The following SGCZ variants were observed in gnomAD, a reference collection of about 807,000 sequenced individuals.
The protein encoded by SGCZ is zeta-sarcoglycan.
SGCZ carries 40 observed loss-of-function variants against 41.3 expected under a neutral mutation model. That is an observed-to-expected ratio of 0.97 (90% CI 0.75 to 1.26). The LOEUF (loss-of-function observed/expected upper bound fraction) is 1.26, where lower values mean the gene tolerates loss of function less well. Ranked by LOEUF, SGCZ falls within the 50% of genes most tolerant of loss-of-function variation. The pLI is 0.00. For synonymous variants in SGCZ, 206 were observed against 137.5 expected, an observed-to-expected ratio of 1.50 and a Z score of -3.49; for missense variants, 552 against 369.8, an observed-to-expected ratio of 1.49 and a Z score of -4.04.
At chr8:14,312,965 C>T (rs555221243) in intron 3 of SGCZ, among the ~76,000 whole-genome samples, 28 of 152,254 alleles carry the variant, frequency 1.8e-4, no homozygotes, top group Non-Finnish European at 2.2e-4. Flanking sequence ...AAGAAGACTG[C>T]GGATTCCTTT....
At chr8:15,050,922 C>T (rs1342583161) in intron 1 of SGCZ, among the ~76,000 whole-genome samples, 2 of 152,132 alleles carry the variant, frequency 1.3e-5, no homozygotes, top group Non-Finnish European at 2.9e-5. Flanking sequence ...TTCACCTCCT[C>T]ATTATATGGG....
chr8:14,260,950 G>A lies in SGCZ; in HGVS notation c.337-23271C>T, dbSNP rs552068486. On this transcript the variant is annotated intron_variant, in intron 3 of 7. Coordinates refer to ENST00000382080, the MANE Select transcript of SGCZ (RefSeq NM_139167.4). ...TATCACACTCCAGGGACAGTTGTGG[G>A]GTGTGGGGAGTGGGGAGGGATAGCA... is the stretch of plus-strand genomic sequence containing the variant. Among the ~76,000 whole-genome samples, 222 of 152,306 alleles carry A rather than the reference G, an allele frequency of 1.5e-3. 1 individual carries two copies. Among genetic ancestry groups the A allele is most frequent in the African/African-American group, 5.2e-3 (217 of 41,556 alleles).
At chr8:14,769,947 C>T (rs1800181392) in intron 1 of SGCZ, among the ~76,000 whole-genome samples, 1 of 151,730 alleles carries the variant, frequency 6.6e-6, no homozygotes, top group Non-Finnish European at 1.5e-5. Flanking sequence ...ACTCAGTTGG[C>T]CTCTATCAGC....
intron 4 of SGCZ, among the ~76,000 whole-genome samples, chr8:14,190,476 A>G (rs1805063794): frequency 6.6e-6 from 1 of 152,110 alleles, no homozygotes; most frequent in African/African-American, 2.4e-5. Context: ...TAATATCACA[A>G]TTCAATAGTG....
At chr8:15,203,736 A>T (rs1204168931) in intron 1 of SGCZ, among the ~76,000 whole-genome samples, 1 of 152,250 alleles carries the variant, frequency 6.6e-6, no homozygotes, top group African/African-American at 2.4e-5. Flanking sequence ...TCAAAAATGC[A>T]TATGATTTAG....
intron 3 of SGCZ, among the ~76,000 whole-genome samples, chr8:14,273,148 T>C (rs1429246703): frequency 1.3e-5 from 2 of 152,042 alleles, no homozygotes; most frequent in African/African-American, 4.8e-5. Flanking sequence ...CAATAATTCA[T>C]TAAGGCCTTT....
chr8:14,428,637 C>T (rs1438470216), intron 2 of SGCZ, among the ~76,000 whole-genome samples: 3 of 152,128 alleles, frequency 2.0e-5, no homozygotes, highest in East Asian at 1.9e-4. Flanking sequence ...CAAAGAAATA[C>T]TGTGTTCAGC....
At chr8:14,803,397 G>A (rs1004341707) in intron 1 of SGCZ, among the ~76,000 whole-genome samples, 3 of 152,244 alleles carry the variant, frequency 2.0e-5, no homozygotes, top group Non-Finnish European at 2.9e-5. Flanking sequence ...GAAGCAGGGT[G>A]AGGCATTGCC....
chr8:14,290,293 A>G (rs1800795022), intron 3 of SGCZ, among the ~76,000 whole-genome samples: 1 of 149,802 alleles, frequency 6.7e-6, no homozygotes, highest in African/African-American at 2.5e-5. Context: ...GATCTTTTGT[A>G]TGAAACCAGA....
intron 1 of SGCZ, among the ~76,000 whole-genome samples, chr8:15,165,193 G>T (rs1427345163): frequency 6.6e-6 from 1 of 152,102 alleles, no homozygotes; most frequent in African/African-American, 2.4e-5. Flanking sequence ...AGGAGGCTGA[G>T]GCAGAAATGC....
intron 1 of SGCZ, among the ~76,000 whole-genome samples, chr8:15,001,492 G>A (rs987294025): frequency 6.6e-6 from 1 of 152,140 alleles, no homozygotes; most frequent in African/African-American, 2.4e-5. Flanking sequence ...CACTTTGGGA[G>A]GCCAAGGCGG....
chr8:14,864,269 G>A (rs1803852063), intron 1 of SGCZ, among the ~76,000 whole-genome samples: 1 of 151,816 alleles, frequency 6.6e-6, no homozygotes, highest in Non-Finnish European at 1.5e-5. Context: ...TTCATCCTGT[G>A]TTCATTTGTA....
At chr8:15,033,609 C>A (rs1352356667) in intron 1 of SGCZ, among the ~76,000 whole-genome samples, 4 of 152,118 alleles carry the variant, frequency 2.6e-5, no homozygotes, top group Admixed American at 1.3e-4. Context: ...AAGCTCCAAG[C>A]CCACCACAGC....
At chr8:14,551,579 TA>T (rs1329093761) in intron 2 of SGCZ, among the ~76,000 whole-genome samples, 5 of 29,156 alleles carry the variant, frequency 1.7e-4, no homozygotes, top group African/African-American at 4.1e-4. Context: ...AATATATATA[TA>T]ATATATATAA....
intron 3 of SGCZ, among the ~76,000 whole-genome samples, chr8:14,321,700 A>G (rs1357965034): frequency 1.3e-5 from 2 of 152,132 alleles, no homozygotes; most frequent in Non-Finnish European, 2.9e-5. Flanking sequence ...GCTTCACTGA[A>G]TCTTCCAAAG....
intron 1 of SGCZ, among the ~76,000 whole-genome samples, chr8:15,109,697 C>G (rs372196242): frequency 6.6e-6 from 1 of 152,072 alleles, no homozygotes; most frequent in East Asian, 1.9e-4. Flanking sequence ...TTTAAATACT[C>G]ACAGAGTTCT....
chr8:14,712,063 G>A (rs1809536651), intron 1 of SGCZ, among the ~76,000 whole-genome samples: 1 of 152,170 alleles, frequency 6.6e-6, no homozygotes, highest in Admixed American at 6.5e-5. Flanking sequence ...GAGGTCAGGA[G>A]TTCAAGACCA....
At position 14,309,475 on chromosome 8, in the gene SGCZ, T is replaced by G. The variant is rs1459044286; in HGVS notation, c.336+14628A>C. 1.2e-5 allele frequency: 19 copies of G among 1,606,910 alleles called. No individual in the cohort carries two copies. In the African/African-American group the frequency reaches 2.3e-4, roughly 19 times the overall value. On this transcript the variant is annotated intron_variant, in intron 3 of 7. Coordinates refer to ENST00000382080, the MANE Select transcript of SGCZ (RefSeq NM_139167.4). The stretch of plus-strand genomic sequence containing the variant: ...ACTGCAGTGATGATGTATGTGGCGC[T>G]GTTGTTAATGTTAGAGCTAATTGTG...
chr8:14,501,134 G>C (rs182494829), intron 2 of SGCZ, among the ~76,000 whole-genome samples: 225 of 152,058 alleles, frequency 1.5e-3, no homozygotes, highest in African/African-American at 5.1e-3. Flanking sequence ...CCAGCTTCTA[G>C]AGACTGCCCC....
Sources: allele counts gnomAD v4.1 joint callset (sites outside exome capture counted in the v4.1 genomes callset), GRCh38; gene constraint gnomAD v4.1.1; transcripts MANE v1.5; gene names NCBI Gene and HGNC (gene_info 2026-07-23, HGNC 2026-07-21).